LIPA: variants seen among roughly 807,000 people sequenced by gnomAD.
LIPA encodes the protein lysosomal acid lipase/cholesteryl ester hydrolase.
A neutral mutation model predicts 40.6 loss-of-function variants in LIPA; 26 were observed. That is an observed-to-expected ratio of 0.64 (90% confidence interval 0.47 to 0.89). LIPA has a LOEUF of 0.89. LIPA is among the 40% of genes least tolerant of loss of function. The probability of loss-of-function intolerance (pLI) is 0.00; values close to 1 mark genes in which losing one functional copy is unlikely to be tolerated. For missense variants in LIPA, 455 were observed against 479.6 expected (o/e 0.95, Z 0.48); for synonymous variants, 188 against 168.4 (o/e 1.12, Z -0.90).
Position 89,228,182 on chromosome 10 carries a change from T to A in LIPA, c.428+18A>T. 1 of 1,600,128 alleles carries A rather than the reference T, an allele frequency of 6.2e-7. No individual in the cohort carries two copies. On this transcript the variant is annotated intron_variant, in intron 4 of 9. Coordinates refer to ENST00000336233, the MANE Select transcript of LIPA (RefSeq NM_000235.4). ...GTACTAAGGAAATACATCCATGCCA[T>A]TATCAATTCATATATACCTGAAAGC...
intron 2 of LIPA, chr10:89,385,075 T>C (rs931379713): frequency 1.0e-5 from 2 of 199,540 alleles, no homozygotes; most frequent in African/African-American, 4.6e-5. Flanking sequence ...GCTGCAACCC[T>C]GTTTACTGCC....
chr10:89,339,898 C>T, intron 1 of LIPA: 1 of 1,614,128 alleles, frequency 6.2e-7, no homozygotes. Flanking sequence ...ACAAAATGCA[C>T]CAAATTATTG....
At position 89,213,978 on chromosome 10, in the gene LIPA, G is replaced by A. The variant is rs1470842410; in HGVS notation, c.*850C>T. 3 of 152,132 alleles carry A rather than the reference G, an allele frequency of 2.0e-5. No homozygotes were observed. Among genetic ancestry groups the A allele is most frequent in the Admixed American group, 6.6e-5 (1 of 15,264 alleles). 9.4% of individuals were successfully genotyped at this position (152,132 alleles called of 1,614,324 possible). On this transcript the variant is annotated 3_prime_UTR_variant, in exon 10 of 10. Transcript: ENST00000336233. ...GCTTCACACAGATGTGATCAATAAC[G>A]ACAGTAGCGGGCTCCAAGAGTACAT... is the stretch of plus-strand genomic sequence containing the variant.
intron 2 of LIPA, among the ~76,000 whole-genome samples, chr10:89,364,523 T>C (rs150181108): frequency 0.013 from 1,923 of 152,256 alleles, 14 homozygotes; most frequent in Middle Eastern, 0.037. Flanking sequence ...CTCTCTCCTA[T>C]ACTTTCAGAC....
chr10:89,289,173 G>A (rs1037593608), intron 1 of LIPA, among the ~76,000 whole-genome samples: 2 of 152,236 alleles, frequency 1.3e-5, no homozygotes, highest in Admixed American at 6.5e-5. Context: ...TCCCACACAA[G>A]GCAAATGGTT....
intron 2 of LIPA, among the ~76,000 whole-genome samples, chr10:89,352,394 T>C (rs1200971396): frequency 2.0e-5 from 3 of 152,200 alleles, no homozygotes; most frequent in African/African-American, 7.2e-5. Context: ...ATATGATTCA[T>C]GGAAAGGCAC....
intron 1 of LIPA, among the ~76,000 whole-genome samples, chr10:89,316,582 G>GT (rs924459713): frequency 5.3e-5 from 8 of 152,222 alleles, no homozygotes; most frequent in African/African-American, 1.9e-4. Context: ...CTCAAACTGG[G>GT]TGGAGCCCAC....
intron 1 of LIPA, chr10:89,314,418 C>A (rs1843531465): frequency 6.6e-6 from 1 of 152,238 alleles, no homozygotes; most frequent in Non-Finnish European, 1.5e-5. Context: ...GCCTCTAATC[C>A]CAACACTTTG....
upstream of LIPA, chr10:89,414,609 T>C: frequency 2.0e-6 from 1 of 508,374 alleles, no homozygotes; most frequent in African/African-American, 2.0e-5. Context: ...TCCAGTTTCC[T>C]GTTCTTGCTG....
At chr10:89,263,870 C>T (rs570812580) in intron 1 of LIPA, among the ~76,000 whole-genome samples, 8 of 152,238 alleles carry the variant, frequency 5.3e-5, no homozygotes, top group African/African-American at 1.7e-4. Context: ...AGTCAGCAAG[C>T]CAGCTGCTCT....
intron 1 of LIPA, chr10:89,340,117 C>A: frequency 6.3e-7 from 1 of 1,593,782 alleles, no homozygotes; most frequent in Non-Finnish European, 8.6e-7. Context: ...TAACTCAGAG[C>A]AACTGAACTG....
At chr10:89,321,338 C>T (rs574890296) in intron 1 of LIPA, among the ~76,000 whole-genome samples, 119 of 152,250 alleles carry the variant, frequency 7.8e-4, no homozygotes, top group Admixed American at 6.4e-3. Flanking sequence ...GGACTAATAT[C>T]CAGAATCTAC....
intron 9 of LIPA, among the ~76,000 whole-genome samples, chr10:89,215,548 C>CTTCAGTGCATT (rs1321695649): frequency 6.6e-6 from 1 of 152,234 alleles, no homozygotes; most frequent in Non-Finnish European, 1.5e-5. Context: ...GTGCCTCACA[C>CTTCAGTGCATT]TTCAGTGCAT....
chr10:89,283,869 A>T (rs1483845714), intron 1 of LIPA: 2 of 152,244 alleles, frequency 1.3e-5, no homozygotes, highest in East Asian at 3.8e-4. Flanking sequence ...ACACCAGTGC[A>T]GCGCCCAGCC....
intron 1 of LIPA, among the ~76,000 whole-genome samples, chr10:89,263,083 A>G (rs1379936270): frequency 6.6e-6 from 1 of 152,224 alleles, no homozygotes; most frequent in African/African-American, 2.4e-5. Context: ...CTTCACATAC[A>G]AAATAGATAT....
intron 3 of LIPA, among the ~76,000 whole-genome samples, chr10:89,238,793 A>G (rs893792554): frequency 3.3e-5 from 5 of 152,220 alleles, no homozygotes; most frequent in Admixed American, 1.3e-4. Context: ...TATAACATAT[A>G]AAATATTTGT....
At chr10:89,312,641 T>C (rs1843522528) in intron 1 of LIPA, among the ~76,000 whole-genome samples, 1 of 151,558 alleles carries the variant, frequency 6.6e-6, no homozygotes, top group Non-Finnish European at 1.5e-5. Context: ...ACCCCATCTC[T>C]ACTAAAAAAT....
intron 1 of LIPA, among the ~76,000 whole-genome samples, chr10:89,276,015 C>G (rs1312279729): frequency 6.6e-6 from 1 of 152,188 alleles, no homozygotes; most frequent in African/African-American, 2.4e-5. Flanking sequence ...TACAACCTTT[C>G]TACTCCATAG....
chr10:89,326,406 G>T (rs1843600043), intron 1 of LIPA, among the ~76,000 whole-genome samples: 1 of 152,078 alleles, frequency 6.6e-6, no homozygotes, highest in East Asian at 2.0e-4. Context: ...AACTTATGGA[G>T]ATAGAGATTA....
Sources: gnomAD v4.1 joint callset for allele counts (sites outside exome capture counted in the v4.1 genomes callset) on GRCh38, gnomAD v4.1.1 for gene constraint, MANE v1.5 for transcripts, NCBI Gene and HGNC (gene_info 2026-07-23, HGNC 2026-07-21) for gene names.